Variants in CA9 observed in about 807,000 individuals in gnomAD.
CA9 encodes CA-IX.
A neutral mutation model predicts 51.8 loss-of-function variants in CA9; 43 were observed. That is an observed-to-expected ratio of 0.83 (90% CI 0.65 to 1.07). The LOEUF (loss-of-function observed/expected upper bound fraction) is 1.07. CA9 is among the 50% of genes least tolerant of loss of function. CA9 has a pLI of 0.00. For missense variants in CA9, 574 were observed against 581.4 expected (o/e 0.99, Z 0.13); for synonymous variants, 253 against 244.2 (o/e 1.04, Z -0.34).
chr9:35,678,346 CA>C (rs11327436), intron 6 of CA9, among the ~76,000 whole-genome samples: 8,044 of 93,810 alleles, frequency 0.086, 448 homozygotes, highest in African/African-American at 0.29. Flanking sequence ...ACTCTTGTCT[CA>C]AAAAAAAAAA....
chr9:35,680,146 C>T lies in CA9; in HGVS notation c.1237+7C>T, dbSNP rs1563923822. 6.2e-7 allele frequency: 1 copy of T among 1,614,212 alleles called. No homozygotes were observed. The highest frequency in any genetic ancestry group is 8.5e-7 in the Non-Finnish European group (1 of 1,180,036). On this transcript the variant is annotated splice_region_variant and intron_variant, in intron 9 of 10. Coordinates refer to ENST00000378357, the MANE Select transcript of CA9 (RefSeq NM_001216.3). ...AATTCCTGCCTGGCTGCTGGTGAGT[C>T]TGCCCCTCCTCTTGGTCCTGATGCC...
chr9:35,675,455 A>T, intron 1 of CA9, 83 bp from the exon 2 acceptor site: 1 of 1,491,098 alleles, frequency 6.7e-7, no homozygotes, highest in Middle Eastern at 1.7e-4. Flanking sequence ...CCTGTAAGGC[A>T]TCTGCGTTTG....
rs745465512 is a variant in CA9, at chr9:35,674,312, C to T, written c.353C>T (p.Ala118Val). 3 of 1,613,846 alleles carry T rather than the reference C, an allele frequency of 1.9e-6. No individual in the cohort carries two copies. The highest frequency in any genetic ancestry group is 1.7e-5 in the Admixed American group (1 of 59,976). ...TTAGAGGATCTACCTACTGTTGAGG[C>T]TCCTGGAGATCCTCAAGAACCCCAG... ...LKLEDLPTVE[A>V]PGDPQEPQNN... The change falls in exon 1 of 11, where the codon GCT becomes GTT. Residue 118 changes from alanine (A) to valine (V), a missense_variant. Physicochemically the swap from Ala to Val is moderately conservative, Grantham distance 64. Transcript: ENST00000378357.
At chr9:35,677,885 C>G in intron 6 of CA9, 29 bp downstream of exon 6, 3 of 1,588,368 alleles carry the variant, frequency 1.9e-6, no homozygotes, top group Non-Finnish European at 2.6e-6. Flanking sequence ...CCACTAATCT[C>G]TGTGGCCTAG....
chr9:35,675,600 T>G, intron 2 of CA9, 33 bp downstream of exon 2: 1 of 1,613,370 alleles, frequency 6.2e-7, no homozygotes, highest in Non-Finnish European at 8.5e-7. Context: ...AGACCCAATC[T>G]GGGAACCCAG....
intron 6 of CA9, among the ~76,000 whole-genome samples, chr9:35,678,294 C>T (rs913915146): frequency 6.8e-6 from 1 of 146,640 alleles, no homozygotes; most frequent in East Asian, 2.0e-4. Flanking sequence ...TGCAGTGAGC[C>T]GAGATCGTGC....
rs746693979 is a variant in CA9 at position 35,675,550 on chromosome 9, G to A, written c.416G>A (p.Ser139Asn). ...TTCATTTATACAGGGGATGACCAGA[G>A]TCATTGGCGCTATGGAGGTGAGACA... is the stretch of plus-strand genomic sequence containing the variant. ...AHRDKEGDDQ[S>N]HWRYGGDPPW... Residue 139 changes from serine (S) to asparagine (N), a missense_variant, in exon 2 of 11, where the codon AGT becomes AAT. By Grantham distance (46) the Ser-to-Asn change is conservative. Coordinates refer to ENST00000378357, the MANE Select transcript of CA9 (RefSeq NM_001216.3). 1.2e-6 allele frequency: 2 copies of A among 1,614,172 alleles called. 1 individual carries two copies. The highest frequency in any genetic ancestry group is 2.2e-5 in the South Asian group (2 of 91,086).
intron 1 of CA9, 113 bp from the exon 2 acceptor site, chr9:35,675,425 C>A: frequency 8.2e-7 from 1 of 1,220,734 alleles, no homozygotes. Flanking sequence ...CCGCTTAAGG[C>A]ATTTGTTACC....
Position 35,677,806 on chromosome 9 carries a change from A to C in CA9, c.857A>C (p.Asn286Thr). 6.2e-7 allele frequency: 1 copy of C among 1,614,096 alleles called. No homozygotes were observed. ...ATCCCCCAGGAGGGCCCGGAAGAAA[A>C]CAGTGCCTATGAGCAGTTGCTGTCT... ...AAFLEEGPEE[N>T]SAYEQLLSRL... is the part of the protein sequence containing the mutation. The change falls in exon 6 of 11, where the codon AAC becomes ACC. Residue 286 changes from asparagine to threonine, a missense_variant. Coordinates refer to ENST00000378357, the MANE Select transcript of CA9 (RefSeq NM_001216.3).
At chr9:35,675,709 C>G (rs985781332) in intron 2 of CA9, 52 bp from the exon 3 acceptor site, 31 of 1,577,266 alleles carry the variant, frequency 2.0e-5, no homozygotes, top group Non-Finnish European at 7.8e-6. Flanking sequence ...CCCGGGTTCC[C>G]TAAGTTCCTG....
rs201537277 is a variant in CA9 at position 35,679,914 on chromosome 9, C to G, written c.1126C>G (p.Arg376Gly). The G allele has an allele frequency of 6.2e-7, 1 of 1,613,684 alleles. No homozygotes were observed. The highest frequency in any genetic ancestry group is 1.7e-5 in the Admixed American group (1 of 59,904). The stretch of plus-strand genomic sequence containing the variant: ...TGACTCTCGGCTACAGCTGAACTTC[C>G]GAGCGACGCAGCCTTTGAATGGGCG... ...PGDSRLQLNF[R>G]ATQPLNGRVI... is the part of the protein sequence containing the mutation. Residue 376 changes from arginine to glycine, a missense_variant, in exon 8 of 11, where the codon CGA becomes GGA. By Grantham distance (125) the Arg-to-Gly change is moderately radical. Coordinates refer to ENST00000378357, the MANE Select transcript of CA9 (RefSeq NM_001216.3).
chr9:35,680,959 A>T lies in CA9; in HGVS notation c.1320-6A>T. 6.2e-7 allele frequency: 1 copy of T among 1,614,042 alleles called. No homozygotes were observed. The highest frequency in any genetic ancestry group is 1.3e-5 in the African/African-American group (1 of 75,022). On this transcript the variant is annotated splice_region_variant and splice_polypyrimidine_tract_variant and intron_variant, in intron 10 of 10. Coordinates refer to ENST00000378357, the MANE Select transcript of CA9 (RefSeq NM_001216.3). ...CTGATTAGCCTTTCCTGTTGTGTAC[A>T]CACAGAAGGGGAACCAAAGGGGGTG...
rs775277745 is a variant in CA9 at position 35,674,214 on chromosome 9, A to C, written c.255A>C (p.Gly85=). ...CACCCGGAGAGGAGGATCTACCTGG[A>C]GAGGAGGATCTACCTGGAGAGGAGG... ...EDPPGEEDLP[G]EEDLPGEEDL... Residue 85 remains glycine, a synonymous_variant, in exon 1 of 11, where the codon GGA becomes GGC. Coordinates refer to ENST00000378357, the MANE Select transcript of CA9 (RefSeq NM_001216.3). The C allele has an allele frequency of 1.1e-5, 18 of 1,612,498 alleles. No individual in the cohort carries two copies. Among genetic ancestry groups the C allele is most frequent in the Admixed American group, 1.7e-5 (1 of 58,906 alleles).
Position 35,675,865 on chromosome 9 carries a change from C to G in CA9, c.538C>G (p.Leu180Val), listed in dbSNP as rs747260316. Reference protein sequence around the residue: ...LAAFCPALRPLELLGFQLPPL... With the variant: ...LAAFCPALRPVELLGFQLPPL... Reference sequence around the variant, plus strand: ...CGCCTTCTGCCCGGCCCTGCGCCCCCTGGAACTCCTGGGCTTCCAGCTCCC... The same window carrying G: ...CGCCTTCTGCCCGGCCCTGCGCCCCGTGGAACTCCTGGGCTTCCAGCTCCC... Residue 180 changes from leucine to valine, a missense_variant, in exon 3 of 11, where the codon CTG (leucine) becomes GTG (valine). Leu to Val is a conservative substitution (Grantham distance 32, BLOSUM62 1). Transcript: ENST00000378357. The G allele has an allele frequency of 6.2e-7, 1 of 1,606,260 alleles. No individual in the cohort carries two copies.
In CA9 at chr9:35,679,354, G is replaced by C. The variant is rs1265260146; in HGVS notation, c.1065+12G>C. On this transcript the variant is annotated intron_variant, in intron 7 of 10. Coordinates refer to ENST00000378357, the MANE Select transcript of CA9 (RefSeq NM_001216.3). ...TGAGTGCTAAGCAGGTGGGCCTGGG[G>C]TGTGTGTGGACACAGTGGGTGCGGG... 6.2e-7 allele frequency: 1 copy of C among 1,609,446 alleles called. No homozygotes were observed. The highest frequency in any genetic ancestry group is 1.1e-5 in the South Asian group (1 of 90,628).
In CA9 at chr9:35,674,132, A is replaced by C; in HGVS notation, c.173A>C (p.Asp58Ala). ...GGAGGAGGCTCTTCTGGGGAAGATG[A>C]CCCACTGGGCGAGGAGGATCTGCCC... ...PLGGGSSGED[D>A]PLGEEDLPSE... Residue 58 changes from aspartate (D) to alanine (A), a missense_variant, in exon 1 of 11, where the codon GAC (aspartate) becomes GCC (alanine). Transcript: ENST00000378357. 1 of 1,614,092 alleles carries C rather than the reference A, an allele frequency of 6.2e-7. No individual in the cohort carries two copies. The highest frequency in any genetic ancestry group is 2.2e-5 in the East Asian group (1 of 44,874).
Position 35,679,862 on chromosome 9 carries a change from C to A in CA9, c.1074C>A (p.Thr358=). ...TCCACTGACCTCCCTAGCTCCACAC[C>A]CTCTCTGACACCCTGTGGGGACCTG... ...TVMLSAKQLH[T]LSDTLWGPGD... is the part of the protein sequence containing the mutation. The change falls in exon 8 of 11, where the codon ACC becomes ACA. Residue 358 remains threonine (T), a synonymous_variant. Coordinates refer to ENST00000378357, the MANE Select transcript of CA9 (RefSeq NM_001216.3). 1 of 1,606,706 alleles carries A rather than the reference C, an allele frequency of 6.2e-7. No homozygotes were observed. Among genetic ancestry groups the A allele is most frequent in the Non-Finnish European group, 8.5e-7 (1 of 1,176,824 alleles).
intron 1 of CA9, 150 bp from the exon 2 acceptor site, chr9:35,675,388 T>C (rs1368446907): frequency 1.3e-6 from 1 of 767,468 alleles, no homozygotes; most frequent in African/African-American, 1.7e-5. Context: ...TGAGTTTGGG[T>C]GCGGTCTCCT....
intron 6 of CA9, among the ~76,000 whole-genome samples, chr9:35,678,693 TTCTTTTC>T (rs1317542852): frequency 7.0e-6 from 1 of 142,102 alleles, no homozygotes; most frequent in African/African-American, 2.7e-5. Context: ...ATTTTTTCTT[TTCTTTTC>T]TTTTTTTTTT....
Sources: allele counts gnomAD v4.1 joint callset (sites outside exome capture counted in the v4.1 genomes callset), GRCh38; gene constraint gnomAD v4.1.1; transcripts MANE v1.5; gene names NCBI Gene and HGNC (gene_info 2026-07-23, HGNC 2026-07-21).